RABL2B: variants seen among roughly 807,000 people sequenced by gnomAD.
The protein encoded by RABL2B is rab-like protein 2B.
In RABL2B, 17 loss-of-function variants were observed where a neutral mutation model predicts 26.7. The observed-to-expected ratio is 0.64, with a 90% confidence interval of 0.44 to 0.95. The LOEUF is 0.95. Ranked by LOEUF, RABL2B falls within the 40% of genes least tolerant of loss-of-function variation. RABL2B has a pLI of 0.00. For missense variants in RABL2B, 170 were observed against 277.2 expected (o/e 0.61, Z 2.75); for synonymous variants, 70 against 103.9 (o/e 0.67, Z 1.99).
At chr22:50,778,305 C>T (rs575708697) in intron 2 of RABL2B, among the ~76,000 whole-genome samples, 4 of 151,188 alleles carry the variant, frequency 2.6e-5, no homozygotes, top group Non-Finnish European at 5.9e-5. Flanking sequence ...GCCAAAGCTG[C>T]GCCTTCCGTT....
In RABL2B at chr22:50,769,568, A is replaced by G; in HGVS notation, c.410-16T>C. On this transcript the variant is annotated splice_polypyrimidine_tract_variant and intron_variant, in intron 6 of 8. Transcript: ENST00000691320. ...TTTATGTCTGCTGTAGAGAGAAGGTAGGACATTGGTCTGTCTGTCAAGGGA... is the reference window on the plus strand; with the variant it reads ...TTTATGTCTGCTGTAGAGAGAAGGTGGGACATTGGTCTGTCTGTCAAGGGA... The G allele has an allele frequency of 6.2e-7, 1 of 1,609,982 alleles. No homozygotes were observed.
At chr22:50,775,585 A>C (rs1555922896) in intron 5 of RABL2B, among the ~76,000 whole-genome samples, 187 bp downstream of exon 5, 1 of 151,894 alleles carries the variant, frequency 6.6e-6, no homozygotes, top group Non-Finnish European at 1.5e-5. Context: ...GCCTACAGAG[A>C]GCTCACCTGG....
Position 50,768,629 on chromosome 22 carries a change from G to T in RABL2B, c.*147C>A, listed in dbSNP as rs1277214064. ...GTGCTGACCTCATCCCTGTATCACG[G>T]GCCTAGAATGTGGGAGGCTAATAGG... On this transcript the variant is annotated 3_prime_UTR_variant, in exon 9 of 9. Transcript: ENST00000691320. 2 of 1,481,656 alleles carry T rather than the reference G, an allele frequency of 1.3e-6. No individual in the cohort carries two copies. The highest frequency in any genetic ancestry group is 2.8e-5 in the African/African-American group (2 of 71,176). The allele number at this position is 1,481,656 out of a possible 1,614,324, so 91.8% of individuals were successfully genotyped here.
intron 5 of RABL2B, among the ~76,000 whole-genome samples, chr22:50,775,219 C>G (rs2084791239): frequency 6.6e-6 from 1 of 152,204 alleles, no homozygotes; most frequent in South Asian, 2.1e-4. Context: ...TTTTTCCTTT[C>G]TCAGCCCTTT....
At chr22:50,770,789 A>C (rs1245493753) in intron 5 of RABL2B, among the ~76,000 whole-genome samples, 4 of 151,808 alleles carry the variant, frequency 2.6e-5, no homozygotes, top group African/African-American at 9.7e-5. Context: ...TTTCACTGTC[A>C]CCCAGGCTAG....
At chr22:50,772,776 T>G (rs2084375713) in intron 5 of RABL2B, 15 of 1,095,866 alleles carry the variant, frequency 1.4e-5, no homozygotes, top group Non-Finnish European at 1.7e-5. Context: ...TTCTGGAATC[T>G]GCCTCACACC....
intron 5 of RABL2B, 79 bp from the exon 6 acceptor site, chr22:50,770,095 A>G: frequency 6.2e-7 from 1 of 1,600,330 alleles, no homozygotes; most frequent in Admixed American, 1.7e-5. Context: ...TCACACACCC[A>G]AGCAGGTAAG....
At chr22:50,772,352 C>A in intron 5 of RABL2B, 1 of 985,428 alleles carries the variant, frequency 1.0e-6, no homozygotes, top group Non-Finnish European at 1.2e-6. Flanking sequence ...TTTAAAATAT[C>A]AGCAAGAAGG....
In RABL2B at chr22:50,776,731, G is replaced by C; in HGVS notation, c.156C>G (p.Ser52=). ...LMDGFQPQQL[S]TYALTLYKHT... ...GCTTGTACAGGGTCAGGGCGTACGT[G>C]GACAGCTGCTGTGGCTGACTGCACT... is the stretch of plus-strand genomic sequence containing the variant. The change falls in exon 4 of 9, where the codon TCC becomes TCG. Residue 52 remains serine, a synonymous_variant. Transcript: ENST00000691320. The C allele has an allele frequency of 6.2e-7, 1 of 1,610,822 alleles. No homozygotes were observed. Among genetic ancestry groups the C allele is most frequent in the Non-Finnish European group, 8.5e-7 (1 of 1,178,400 alleles).
At chr22:50,778,278 A>G (rs1369429128) in intron 2 of RABL2B, among the ~76,000 whole-genome samples, 1 of 150,090 alleles carries the variant, frequency 6.7e-6, no homozygotes, top group Non-Finnish European at 1.5e-5. Context: ...TGTTATGCAA[A>G]GGGAAACAGA....
intron 2 of RABL2B, among the ~76,000 whole-genome samples, chr22:50,780,336 T>G (rs1281215204): frequency 2.0e-5 from 3 of 151,348 alleles, no homozygotes; most frequent in Non-Finnish European, 2.9e-5. Context: ...ACAACATTGC[T>G]CTCTAGAAAT....
intron 2 of RABL2B, among the ~76,000 whole-genome samples, chr22:50,781,925 T>A (rs1269247115): frequency 6.7e-6 from 1 of 148,868 alleles, no homozygotes; most frequent in Non-Finnish European, 1.5e-5. Context: ...ACAAACCACA[T>A]ACAATGTCCT....
At chr22:50,778,022 T>C in intron 2 of RABL2B, 41 bp from the exon 3 acceptor site, 2 of 1,613,924 alleles carry the variant, frequency 1.2e-6, no homozygotes, top group Non-Finnish European at 1.7e-6. Flanking sequence ...GGCGTCTCCA[T>C]CTCTCCCTCG....
chr22:50,772,945 T>G (rs1297852111), intron 5 of RABL2B: 1 of 1,244,730 alleles, frequency 8.0e-7, no homozygotes, highest in African/African-American at 1.6e-5. Context: ...GCTCCCCGTG[T>G]GGTCAGAAGG....
At chr22:50,769,616 G>T (rs537078575) in intron 6 of RABL2B, 64 bp from the exon 7 acceptor site, 12 of 1,609,530 alleles carry the variant, frequency 7.5e-6, no homozygotes, top group Admixed American at 5.0e-5. Flanking sequence ...TTGGAGGGGG[G>T]GGCCACTGGA....
chr22:50,778,004 G>A (rs1181886739), intron 2 of RABL2B, 23 bp from the exon 3 acceptor site: 1 of 1,613,970 alleles, frequency 6.2e-7, no homozygotes, highest in Non-Finnish European at 8.5e-7. Flanking sequence ...CAGGCAAGGT[G>A]GTCAGATGGC....
intron 2 of RABL2B, among the ~76,000 whole-genome samples, chr22:50,779,093 G>A (rs1314217124): frequency 6.6e-6 from 1 of 150,910 alleles, no homozygotes; most frequent in Non-Finnish European, 1.5e-5. Context: ...AGAAAGTGCA[G>A]GAGGAAGAGG....
At chr22:50,771,486 A>C (rs2084174925) in intron 5 of RABL2B, 1 of 152,066 alleles carries the variant, frequency 6.6e-6, no homozygotes, top group Non-Finnish European at 1.5e-5. Context: ...CATGTTGGCC[A>C]GGCTGGTCTC....
intron 2 of RABL2B, among the ~76,000 whole-genome samples, chr22:50,781,326 A>G (rs1359023577): frequency 6.8e-6 from 1 of 147,746 alleles, no homozygotes; most frequent in East Asian, 2.1e-4. Context: ...CCTGGGGGAC[A>G]GAGCGAGACT....
Sources: gnomAD v4.1 joint callset for allele counts (sites outside exome capture counted in the v4.1 genomes callset) on GRCh38, gnomAD v4.1.1 for gene constraint, MANE v1.5 for transcripts, NCBI Gene and HGNC (gene_info 2026-07-23, HGNC 2026-07-21) for gene names.